MECOM: variants seen among roughly 807,000 people sequenced by gnomAD.
The protein encoded by MECOM is MDS1 and EVI1 complex locus.
A neutral mutation model predicts 116.3 loss-of-function variants in MECOM; 13 were observed. The observed-to-expected ratio is 0.11, with a 90% CI of 0.07 to 0.18. The LOEUF (loss-of-function observed/expected upper bound fraction) is 0.18. Among genes scored for constraint, MECOM ranks in the 10% least tolerant of loss-of-function variants. The pLI, the probability that MECOM is intolerant of heterozygous loss-of-function variation, is 1.00. For missense variants in MECOM, 1,299 were observed against 1,509.0 expected, an observed-to-expected ratio of 0.86 and a Z score of 2.31; for synonymous variants, 528 against 535.2, an observed-to-expected ratio of 0.99 and a Z score of 0.19.
chr3:169,483,908 G>T, intron 1 of MECOM: 8 of 1,609,046 alleles, frequency 5.0e-6, no homozygotes, highest in Non-Finnish European at 1.7e-6. Flanking sequence ...CAGCTTTTCC[G>T]TTCACTTTGA....
At chr3:169,124,275 A>G (rs924274511) in intron 5 of MECOM, among the ~76,000 whole-genome samples, 2 of 152,146 alleles carry the variant, frequency 1.3e-5, no homozygotes, top group Non-Finnish European at 2.9e-5. Flanking sequence ...CACCACAATG[A>G]TATAAACAGC....
Position 169,354,294 on chromosome 3 carries a change from C to T in MECOM, c.375+26893G>A, listed in dbSNP as rs142603439. 2.2e-3 allele frequency among the ~76,000 whole-genome samples: 334 copies of T among 151,970 alleles called. 2 individuals carry two copies. Among genetic ancestry groups the T allele is most frequent in the Admixed American group, 5.5e-3 (84 of 15,236 alleles). The stretch of plus-strand genomic sequence containing the variant: ...AATAATCCCAGAAAGATCTGCCATT[C>T]CCCTAGGCTACCCAAGAACATGTTA... On this transcript the variant is annotated intron_variant, in intron 2 of 16. Transcript: ENST00000651503.
chr3:169,281,316 C>G (rs1711946504), intron 2 of MECOM, among the ~76,000 whole-genome samples: 1 of 152,092 alleles, frequency 6.6e-6, no homozygotes, highest in Non-Finnish European at 1.5e-5. Flanking sequence ...CTGGTTAAGT[C>G]ACTTACTTAT....
At chr3:169,355,172 C>T (rs1560168475) in intron 2 of MECOM, among the ~76,000 whole-genome samples, 1 of 152,004 alleles carries the variant, frequency 6.6e-6, no homozygotes, top group African/African-American at 2.4e-5. Flanking sequence ...CGATTAGCAG[C>T]GAAACATATT....
At chr3:169,548,190 C>A (rs552387192) in intron 1 of MECOM, among the ~76,000 whole-genome samples, 53 of 150,534 alleles carry the variant, frequency 3.5e-4, no homozygotes, top group African/African-American at 6.8e-4. Flanking sequence ...CACACACACA[C>A]AAAAAAAAAG....
At chr3:169,317,247 A>G (rs1052000177) in intron 2 of MECOM, among the ~76,000 whole-genome samples, 3 of 152,226 alleles carry the variant, frequency 2.0e-5, no homozygotes, top group Non-Finnish European at 4.4e-5. Flanking sequence ...ATAACACTCA[A>G]AACGAATTGA....
chr3:169,465,699 T>C (rs1748187487), intron 1 of MECOM, among the ~76,000 whole-genome samples: 1 of 152,050 alleles, frequency 6.6e-6, no homozygotes, highest in African/African-American at 2.4e-5. Context: ...CATTTTAATA[T>C]GACTTTCTCA....
At chr3:169,471,897 A>G (rs1348258861) in intron 1 of MECOM, among the ~76,000 whole-genome samples, 4 of 152,114 alleles carry the variant, frequency 2.6e-5, no homozygotes, top group African/African-American at 9.7e-5. Flanking sequence ...GCATTTATTT[A>G]TGCCCCCTTC....
intron 1 of MECOM, 76 bp downstream of exon 1, chr3:169,663,260 C>A (rs1029068147): frequency 1.0e-5 from 16 of 1,527,036 alleles, no homozygotes; most frequent in Admixed American, 2.0e-5. Flanking sequence ...CGCGCTCCCT[C>A]CCGGAGCGCT....
At chr3:169,384,162 A>G (rs149486096) in intron 1 of MECOM, among the ~76,000 whole-genome samples, 21 of 152,356 alleles carry the variant, frequency 1.4e-4, no homozygotes, top group African/African-American at 4.8e-4. Flanking sequence ...AGTGATCTGC[A>G]TATAGGTGTT....
At chr3:169,298,176 A>G (rs1269466607) in intron 2 of MECOM, among the ~76,000 whole-genome samples, 2 of 152,184 alleles carry the variant, frequency 1.3e-5, no homozygotes. Flanking sequence ...TCTTTTATTT[A>G]CGGAGTGGAT....
intron 3 of MECOM, among the ~76,000 whole-genome samples, chr3:169,132,759 T>TC (rs1466482660): frequency 6.6e-6 from 1 of 150,504 alleles, no homozygotes; most frequent in African/African-American, 2.4e-5. Context: ...TCTTTTCTTT[T>TC]TTTTTTTTTT....
At chr3:169,373,743 A>C (rs1278607941) in intron 2 of MECOM, among the ~76,000 whole-genome samples, 6 of 151,956 alleles carry the variant, frequency 3.9e-5, no homozygotes, top group Admixed American at 2.0e-4. Context: ...TTTCCCTAGA[A>C]TCACACAGTT....
At chr3:169,354,116 G>A (rs1726852382) in intron 2 of MECOM, among the ~76,000 whole-genome samples, 1 of 151,622 alleles carries the variant, frequency 6.6e-6, no homozygotes, top group African/African-American at 2.4e-5. Context: ...ATTGAGAGTG[G>A]AATTAATCTC....
At chr3:169,091,710 C>T (rs1719777126) in intron 14 of MECOM, among the ~76,000 whole-genome samples, 1 of 152,076 alleles carries the variant, frequency 6.6e-6, no homozygotes, top group Admixed American at 6.6e-5. Flanking sequence ...TCAGACTTCT[C>T]AGAGACTGGA....
chr3:169,215,260 A>C lies in MECOM; in HGVS notation c.376-71428T>G, dbSNP rs1356335870. Among the ~76,000 whole-genome samples the C allele has an allele frequency of 1.0e-3, 150 of 145,032 alleles. 3 individuals carry two copies. The highest frequency in any genetic ancestry group is 3.7e-3 in the African/African-American group (143 of 38,792). On this transcript the variant is annotated intron_variant, in intron 2 of 16. Coordinates refer to ENST00000651503, the MANE Select transcript of MECOM (RefSeq NM_004991.4). The stretch of plus-strand genomic sequence containing the variant: ...CTCTTTCCTTTTTTTTTTTTTTTAA[A>C]AAAGCAGACTTTCTTCAAAAGAAGC...
rs750226492 is a variant in MECOM at position 169,663,398 on chromosome 3, G to A, written c.-26C>T. 5 of 1,604,872 alleles carry A rather than the reference G, an allele frequency of 3.1e-6. No individual in the cohort carries two copies. In the African/African-American group the frequency reaches 5.4e-5, roughly 17 times the overall value. On this transcript the variant is annotated 5_prime_UTR_variant, in exon 1 of 17. Transcript: ENST00000651503. The stretch of plus-strand genomic sequence containing the variant: ...GCTGTGCCCAGTCCTGCAGCCGCTG[G>A]TGTGTGGTTGGGGCTTTTTTTTCTT...
chr3:169,479,013 G>A (rs1451058050), intron 1 of MECOM, among the ~76,000 whole-genome samples: 3 of 152,126 alleles, frequency 2.0e-5, no homozygotes, highest in Non-Finnish European at 4.4e-5. Flanking sequence ...TATGTACCAG[G>A]CATAGAACTG....
At chr3:169,123,914 C>T (rs1303946803) in intron 5 of MECOM, among the ~76,000 whole-genome samples, 1 of 152,020 alleles carries the variant, frequency 6.6e-6, no homozygotes, top group Admixed American at 6.6e-5. Context: ...GCAGGAAAGC[C>T]AAATCATTAT....
Sources: gnomAD v4.1 joint callset for allele counts (sites outside exome capture counted in the v4.1 genomes callset) on GRCh38, gnomAD v4.1.1 for gene constraint, MANE v1.5 for transcripts, NCBI Gene and HGNC (gene_info 2026-07-23, HGNC 2026-07-21) for gene names.